The following DENND11 variants were observed in gnomAD, a reference collection of about 807,000 sequenced individuals.
The protein encoded by DENND11 is DENN domain containing 11, also known as DENN domain-containing protein 11.
DENND11 carries 34 observed loss-of-function variants against 49.2 expected under a neutral mutation model. The ratio of observed to expected loss-of-function variants is 0.69; its 90% confidence interval spans 0.53 to 0.92. The LOEUF is 0.92. Among genes scored for constraint, DENND11 ranks in the 40% least tolerant of loss-of-function variants. DENND11 has a pLI of 0.00. For missense variants in DENND11, 475 were observed against 581.6 expected (o/e 0.82, Z 1.88); for synonymous variants, 238 against 230.3 (o/e 1.03, Z -0.30).
Position 141,662,637 on chromosome 7 carries a change from C to A in DENND11, c.*19G>T. 6.5e-7 allele frequency: 1 copy of A among 1,531,518 alleles called. No individual in the cohort carries two copies. The highest frequency in any genetic ancestry group is 2.4e-5 in the East Asian group (1 of 41,986). 94.9% of individuals were successfully genotyped at this position (1,531,518 alleles called of 1,614,324 possible). A position where few individuals can be genotyped will look rare whatever the true frequency, so the allele number is the denominator to read the frequency against. The stretch of plus-strand genomic sequence containing the variant: ...GCTGACATCCCACGTGAAGTGGCTC[C>A]CAGTCCTGTTGGCTCCTCCTACGGG... On this transcript the variant is annotated 3_prime_UTR_variant, in exon 9 of 9. Coordinates refer to ENST00000536163, the MANE Select transcript of DENND11 (RefSeq NM_001080392.2).
At chr7:141,676,406 C>T (rs1798060949) in intron 3 of DENND11, among the ~76,000 whole-genome samples, 1 of 152,132 alleles carries the variant, frequency 6.6e-6, no homozygotes, top group Non-Finnish European at 1.5e-5. Flanking sequence ...GCTCAGTTGT[C>T]TTTTCTGTTT....
At chr7:141,695,129 T>A (rs1798393447) in intron 1 of DENND11, among the ~76,000 whole-genome samples, 1 of 152,232 alleles carries the variant, frequency 6.6e-6, no homozygotes, top group African/African-American at 2.4e-5. Context: ...GTTTTTCTCA[T>A]AAGCCCTGTG....
intron 2 of DENND11, 62 bp downstream of exon 2, chr7:141,686,497 T>G: frequency 1.9e-6 from 2 of 1,049,690 alleles, no homozygotes; most frequent in Non-Finnish European, 2.9e-6. Flanking sequence ...CCCTTCAGCT[T>G]TGGGGAAAGT....
chr7:141,664,108 T>C (rs1054152158), intron 8 of DENND11, 64 bp downstream of exon 8: 10 of 1,280,132 alleles, frequency 7.8e-6, no homozygotes, highest in African/African-American at 1.5e-5. Context: ...ATGGGAGGGA[T>C]GCAGGTCACT....
chr7:141,665,167 G>C lies in DENND11; in HGVS notation c.952+20C>G. 1.2e-6 allele frequency: 2 copies of C among 1,612,708 alleles called. No homozygotes were observed. The highest frequency in any genetic ancestry group is 2.2e-5 in the East Asian group (1 of 44,834). On this transcript the variant is annotated intron_variant, in intron 6 of 8. Transcript: ENST00000536163. ...GGGCTGGGACCTGAGGGCAAGATGAGGGGAGGGCCCCGTACTCACAGGCCA... is the reference window on the plus strand; with the variant it reads ...GGGCTGGGACCTGAGGGCAAGATGACGGGAGGGCCCCGTACTCACAGGCCA...
intron 3 of DENND11, among the ~76,000 whole-genome samples, chr7:141,683,244 T>G (rs1798175508): frequency 6.6e-6 from 1 of 152,124 alleles, no homozygotes; most frequent in African/African-American, 2.4e-5. Flanking sequence ...GTTAAATATT[T>G]TATTAAAGAA....
At position 141,661,401 on chromosome 7, in the gene DENND11, C is replaced by A. The variant is rs1045279485; in HGVS notation, c.*1255G>T. ...GAGAACAGGCAGGTGGCAACAGGACCCAGCCTAGAGCAGAGCACTTCAGAA... is the reference window on the plus strand; with the variant it reads ...GAGAACAGGCAGGTGGCAACAGGACACAGCCTAGAGCAGAGCACTTCAGAA... On this transcript the variant is annotated 3_prime_UTR_variant, in exon 9 of 9. Transcript: ENST00000536163. 6.6e-6 allele frequency: 1 copy of A among 152,208 alleles called. No individual in the cohort carries two copies. Among genetic ancestry groups the A allele is most frequent in the Non-Finnish European group, 1.5e-5 (1 of 68,068 alleles). The allele number at this position is 152,208 out of a possible 1,614,324, so 9.4% of individuals were successfully genotyped here. A position where few individuals can be genotyped will look rare whatever the true frequency, so the allele number is the denominator to read the frequency against.
At position 141,661,084 on chromosome 7, in the gene DENND11, A is replaced by G. The variant is rs747837155; in HGVS notation, c.*1572T>C. 2.6e-5 allele frequency: 4 copies of G among 152,214 alleles called. No individual in the cohort carries two copies. Among genetic ancestry groups the G allele is most frequent in the Non-Finnish European group, 5.9e-5 (4 of 68,032 alleles). 9.4% of individuals were successfully genotyped at this position (152,214 alleles called of 1,614,324 possible). Reference sequence around the variant, plus strand: ...ACTTTTGAATAAAGCAGTGAACCCTAAGAATCTTATCTTGAGATGAGATGT... The same window carrying G: ...ACTTTTGAATAAAGCAGTGAACCCTGAGAATCTTATCTTGAGATGAGATGT... On this transcript the variant is annotated 3_prime_UTR_variant, in exon 9 of 9. Transcript: ENST00000536163.
rs200320811 is a variant in DENND11, at chr7:141,662,738, C to T, written c.1286G>A (p.Gly429Glu). 8.1e-5 allele frequency: 131 copies of T among 1,612,056 alleles called. No individual in the cohort carries two copies. The African/African-American group carries it at 1.6e-3, about 20-fold the overall frequency. The change falls in exon 9 of 9, where the codon GGA (glycine) becomes GAA (glutamate). Residue 429 changes from glycine (G) to glutamate (E), a missense_variant. By Grantham distance (98) the Gly-to-Glu change is moderately conservative (BLOSUM62 -2). Transcript: ENST00000536163. ...HARGMGLDPQ[G>E]DRSFLLDLLE... ...CAGGTCCAGGAGAAAGCTCCGGTCTCCTTGGGGGTCTAGGCCCATGCCCCG... is the reference window on the plus strand; with the variant it reads ...CAGGTCCAGGAGAAAGCTCCGGTCTTCTTGGGGGTCTAGGCCCATGCCCCG...
chr7:141,698,487 G>A (rs1236966878), intron 1 of DENND11, among the ~76,000 whole-genome samples: 4 of 152,158 alleles, frequency 2.6e-5, no homozygotes, highest in Non-Finnish European at 4.4e-5. Flanking sequence ...TGCTCCAGAT[G>A]AGGACTGAGT....
intron 8 of DENND11, 129 bp downstream of exon 8, chr7:141,664,043 G>C: frequency 1.4e-6 from 1 of 735,552 alleles, no homozygotes; most frequent in South Asian, 2.2e-5. Context: ...TAAGGAGCCC[G>C]GCTCTAAGTG....
chr7:141,680,898 T>G (rs569035217), intron 3 of DENND11, among the ~76,000 whole-genome samples: 1 of 152,174 alleles, frequency 6.6e-6, no homozygotes, highest in East Asian at 2.0e-4. Flanking sequence ...AAGCTGTAAT[T>G]CTATCTTACT....
chr7:141,694,234 A>AAAT (rs1798374169), intron 1 of DENND11, among the ~76,000 whole-genome samples: 2 of 152,186 alleles, frequency 1.3e-5, no homozygotes, highest in South Asian at 4.1e-4. Flanking sequence ...TGATGTAGAA[A>AAAT]AATAGCCTTA....
chr7:141,682,166 A>G (rs1314382714), intron 3 of DENND11, among the ~76,000 whole-genome samples: 1 of 152,124 alleles, frequency 6.6e-6, no homozygotes, highest in East Asian at 1.9e-4. Context: ...GCCTAACGTA[A>G]AGGACTACTG....
chr7:141,664,091 G>T, intron 8 of DENND11, 81 bp downstream of exon 8: 1 of 1,195,022 alleles, frequency 8.4e-7, no homozygotes, highest in Non-Finnish European at 1.2e-6. Flanking sequence ...GGCCCGCAGT[G>T]AATGACATGG....
rs71529529 is a variant in DENND11 at position 141,662,889 on chromosome 7, G to GGGGT, written c.1173-39_1173-38insACCC. The GGGGT allele has an allele frequency of 3.4e-4, 494 of 1,466,732 alleles. 2 individuals are homozygous for GGGGT. The African/African-American group carries it at 5.9e-3, about 17-fold the overall frequency. 90.9% of individuals were successfully genotyped at this position (1,466,732 alleles called of 1,614,324 possible). ...GACAAGACACAGGAAAGGAAGCGGG[G>GGGGT]GGGAATAAAAAGCTCACCAGATAAT... On this transcript the variant is annotated intron_variant, in intron 8 of 8. Coordinates refer to ENST00000536163, the MANE Select transcript of DENND11 (RefSeq NM_001080392.2).
intron 2 of DENND11, 101 bp from the exon 3 acceptor site, chr7:141,685,737 C>T: frequency 7.8e-7 from 1 of 1,288,194 alleles, no homozygotes; most frequent in South Asian, 1.4e-5. Flanking sequence ...CTGTCAATGA[C>T]AAAGCTCAGC....
intron 1 of DENND11, among the ~76,000 whole-genome samples, chr7:141,689,037 T>G (rs1055454644): frequency 8.5e-5 from 13 of 152,226 alleles, no homozygotes; most frequent in Non-Finnish European, 1.5e-4. Flanking sequence ...GGGGTTCAGC[T>G]AGCTCAAATT....
In DENND11 at chr7:141,661,346, C is replaced by T. The variant is rs1343294822; in HGVS notation, c.*1310G>A. The T allele has an allele frequency of 1.3e-5, 2 of 152,244 alleles. No individual in the cohort carries two copies. The highest frequency in any genetic ancestry group is 6.5e-5 in the Admixed American group (1 of 15,286). 9.4% of individuals were successfully genotyped at this position (152,244 alleles called of 1,614,324 possible). A position where few individuals can be genotyped will look rare whatever the true frequency, so the allele number is the denominator to read the frequency against. On this transcript the variant is annotated 3_prime_UTR_variant, in exon 9 of 9. Coordinates refer to ENST00000536163, the MANE Select transcript of DENND11 (RefSeq NM_001080392.2). The stretch of plus-strand genomic sequence containing the variant: ...TGGCTTTCTAACTGGTTGACAAACA[C>T]GTAAGCTGCCCTCCTGCAAAAGCCA...
Sources: gnomAD v4.1 joint callset for allele counts (sites outside exome capture counted in the v4.1 genomes callset) on GRCh38, gnomAD v4.1.1 for gene constraint, MANE v1.5 for transcripts, NCBI Gene and HGNC (gene_info 2026-07-23, HGNC 2026-07-21) for gene names.